Variants in NAALADL2 observed in about 807,000 individuals in gnomAD.
The protein encoded by NAALADL2 is N-acetylated alpha-linked acidic dipeptidase like 2.
In NAALADL2, 76 loss-of-function variants were observed where a neutral mutation model predicts 87.2. The observed-to-expected ratio is 0.87, with a 90% CI of 0.72 to 1.05. The LOEUF is 1.05. Among genes scored for constraint, NAALADL2 ranks in the 50% least tolerant of loss-of-function variants. NAALADL2 has a pLI of 0.00. For synonymous variants in NAALADL2, 354 were observed against 331.0 expected, an observed-to-expected ratio of 1.07 and a Z score of -0.75; for missense variants, 1,089 against 945.8, an observed-to-expected ratio of 1.15 and a Z score of -1.99.
At chr3:174,809,830 G>T (rs1386470188) in intron 3 of NAALADL2, among the ~76,000 whole-genome samples, 3 of 152,138 alleles carry the variant, frequency 2.0e-5, no homozygotes, top group Non-Finnish European at 4.4e-5. Context: ...GGGGCCTCAT[G>T]GGAGGTGATC....
intron 11 of NAALADL2, among the ~76,000 whole-genome samples, chr3:175,666,024 T>G (rs2149824922): frequency 6.6e-6 from 1 of 152,264 alleles, no homozygotes; most frequent in African/African-American, 2.4e-5. Flanking sequence ...ACATCCCTGT[T>G]TTAGAACACT....
chr3:175,772,062 G>T (rs1749563080), intron 13 of NAALADL2, among the ~76,000 whole-genome samples: 1 of 152,070 alleles, frequency 6.6e-6, no homozygotes, highest in South Asian at 2.1e-4. Context: ...TCAAGATTTG[G>T]GTGGGGACAC....
chr3:174,921,628 C>T (rs919336063), intron 1 of NAALADL2, among the ~76,000 whole-genome samples: 2 of 151,666 alleles, frequency 1.3e-5, no homozygotes, highest in African/African-American at 2.4e-5. Flanking sequence ...GGTGAAACCC[C>T]ATTGCTACTA....
intron 3 of NAALADL2, among the ~76,000 whole-genome samples, chr3:174,781,585 CTTTCTTT>C (rs1464277355): frequency 6.6e-6 from 1 of 151,848 alleles, no homozygotes; most frequent in African/African-American, 2.4e-5. Flanking sequence ...GAGGAAAATA[CTTTCTTT>C]TTAGGGTGAT....
chr3:175,046,868 T>G (rs926241539), intron 1 of NAALADL2, among the ~76,000 whole-genome samples: 2 of 152,170 alleles, frequency 1.3e-5, no homozygotes, highest in African/African-American at 4.8e-5. Flanking sequence ...TTGGTCTGTT[T>G]AGGCTATTAC....
intron 1 of NAALADL2, among the ~76,000 whole-genome samples, chr3:175,072,770 A>G (rs1300329589): frequency 2.6e-5 from 4 of 151,334 alleles, no homozygotes; most frequent in Non-Finnish European, 5.9e-5. Flanking sequence ...GCACACCAAC[A>G]TGGCACATGT....
At chr3:175,083,942 A>G (rs1718373306) in intron 1 of NAALADL2, among the ~76,000 whole-genome samples, 1 of 152,208 alleles carries the variant, frequency 6.6e-6, no homozygotes, top group African/African-American at 2.4e-5. Context: ...TTAAGAACTG[A>G]ACCTGAGGGC....
At chr3:175,666,032 A>C (rs913125408) in intron 11 of NAALADL2, among the ~76,000 whole-genome samples, 2 of 152,172 alleles carry the variant, frequency 1.3e-5, no homozygotes. Context: ...GTTTTAGAAC[A>C]CTGAAATTTT....
At chr3:175,105,501 ATATT>A (rs1391454238) in intron 2 of NAALADL2, among the ~76,000 whole-genome samples, 1 of 150,172 alleles carries the variant, frequency 6.7e-6, no homozygotes, top group African/African-American at 2.4e-5. Flanking sequence ...ATGTGTGTGT[ATATT>A]TATATATAAA....
At chr3:175,211,438 C>T (rs1741750150) in intron 2 of NAALADL2, among the ~76,000 whole-genome samples, 1 of 151,870 alleles carries the variant, frequency 6.6e-6, no homozygotes, top group South Asian at 2.1e-4. Flanking sequence ...CCTATTGAAA[C>T]TAGTATATTC....
In NAALADL2 at chr3:174,653,889, A is replaced by C. The variant is rs62284713; in HGVS notation, c.-114-83752A>C. Among the ~76,000 whole-genome samples the C allele has an allele frequency of 4.0e-3, 604 of 152,210 alleles. 1 individual carries two copies. Among genetic ancestry groups the C allele is most frequent in the Middle Eastern group, 0.01 (3 of 294 alleles). On this transcript the variant is annotated intron_variant, in intron 2 of 3. Coordinates refer to the NAALADL2 transcript ENST00000434257. ...TCTTCTTTCCAAGTTTTTCTCCCTA[A>C]TCTCATTGATACTTTAGAGTTCTGA...
chr3:174,701,925 A>G (rs1318992500), intron 2 of NAALADL2, among the ~76,000 whole-genome samples: 1 of 152,218 alleles, frequency 6.6e-6, no homozygotes, highest in Non-Finnish European at 1.5e-5. Context: ...TTGTATAGAC[A>G]TGTATGTTTA....
At chr3:174,842,340 T>G (rs1433397276) in intron 3 of NAALADL2, among the ~76,000 whole-genome samples, 3 of 152,146 alleles carry the variant, frequency 2.0e-5, no homozygotes, top group African/African-American at 7.2e-5. Flanking sequence ...TGTGAGCCAC[T>G]GCACCTGGCC....
chr3:174,737,872 C>T (rs1733366721), intron 3 of NAALADL2: 1 of 152,150 alleles, frequency 6.6e-6, no homozygotes, highest in African/African-American at 2.4e-5. Context: ...AGACTGCAAG[C>T]ATTATTCTGT....
intron 9 of NAALADL2, among the ~76,000 whole-genome samples, chr3:175,478,376 T>C (rs950558536): frequency 6.6e-6 from 1 of 151,952 alleles, no homozygotes; most frequent in Admixed American, 6.6e-5. Context: ...CTCCTGAGTT[T>C]ACAAGGTTTT....
chr3:175,484,295 C>A (rs1338949549), intron 9 of NAALADL2, among the ~76,000 whole-genome samples: 8 of 152,030 alleles, frequency 5.3e-5, no homozygotes, highest in Admixed American at 2.0e-4. Flanking sequence ...TTTCAAATCA[C>A]TGAAAATATC....
chr3:175,446,437 T>C (rs1720719345), intron 5 of NAALADL2, among the ~76,000 whole-genome samples: 2 of 152,168 alleles, frequency 1.3e-5, no homozygotes, highest in Non-Finnish European at 2.9e-5. Flanking sequence ...GCACGGGGTT[T>C]CACCTTATTG....
intron 10 of NAALADL2, among the ~76,000 whole-genome samples, chr3:175,620,854 A>G (rs1726119364): frequency 6.6e-6 from 1 of 152,218 alleles, no homozygotes; most frequent in African/African-American, 2.4e-5. Context: ...AATAAGGAAG[A>G]ATAGAAGTTT....
intron 1 of NAALADL2, among the ~76,000 whole-genome samples, chr3:174,981,299 G>A (rs1006136901): frequency 6.6e-6 from 1 of 151,994 alleles, no homozygotes; most frequent in Non-Finnish European, 1.5e-5. Context: ...TTATAAATAC[G>A]GACATACTCA....
Sources: allele counts gnomAD v4.1 joint callset (sites outside exome capture counted in the v4.1 genomes callset), GRCh38; gene constraint gnomAD v4.1.1; transcripts MANE v1.5; gene names NCBI Gene and HGNC (gene_info 2026-07-23, HGNC 2026-07-21).